The following GALNTL6 variants were observed in gnomAD, a reference collection of about 807,000 sequenced individuals.
The protein encoded by GALNTL6 is polypeptide N-acetylgalactosaminyltransferase-like 6.
In GALNTL6, 46 loss-of-function variants were observed where a neutral mutation model predicts 73.7. That is an observed-to-expected ratio of 0.62 (90% CI 0.49 to 0.80). The LOEUF is 0.80. Among genes scored for constraint, GALNTL6 ranks in the 30% least tolerant of loss-of-function variants. GALNTL6 has a pLI of 0.00. For missense variants in GALNTL6, 604 were observed against 755.0 expected, an observed-to-expected ratio of 0.80 and a Z score of 2.34; for synonymous variants, 259 against 263.7, an observed-to-expected ratio of 0.98 and a Z score of 0.17.
chr4:171,877,588 A>T (rs1020513176), intron 2 of GALNTL6, among the ~76,000 whole-genome samples: 2 of 152,058 alleles, frequency 1.3e-5, no homozygotes, highest in Non-Finnish European at 2.9e-5. Context: ...ACCTTCTTTC[A>T]TACAGTAGGA....
chr4:172,187,881 A>G (rs1053041050), intron 2 of GALNTL6, among the ~76,000 whole-genome samples: 25 of 152,096 alleles, frequency 1.6e-4, no homozygotes, highest in African/African-American at 5.8e-4. Context: ...GAATGTTTTC[A>G]ATGTAAAACT....
At chr4:171,959,614 G>C (rs1297160009) in intron 2 of GALNTL6, among the ~76,000 whole-genome samples, 1 of 152,186 alleles carries the variant, frequency 6.6e-6, no homozygotes, top group Non-Finnish European at 1.5e-5. Context: ...TACTCAGGAG[G>C]CTGAGGCAGG....
At position 172,809,643 on chromosome 4, in the gene GALNTL6, T is replaced by C. The variant is rs1741180163; in HGVS notation, c.739+97T>C. The C allele has an allele frequency of 2.2e-6, 2 of 905,780 alleles. No homozygotes were observed. 56.1% of individuals were successfully genotyped at this position (905,780 alleles called of 1,614,324 possible). A position where few individuals can be genotyped will look rare whatever the true frequency, so the allele number is the denominator to read the frequency against. ...GCAATCAGCAAACACTAGAGGTCCC[T>C]TCTACAAGTTTTCCAGGGGAAGCCT... On this transcript the variant is annotated intron_variant, in intron 6 of 12. Coordinates refer to ENST00000506823, the MANE Select transcript of GALNTL6 (RefSeq NM_001034845.3). This position sits in a 1 kb window ranked among gnomAD's most constrained non-coding sequence, Gnocchi z 4.4.
At chr4:172,481,544 C>T (rs767085321) in intron 5 of GALNTL6, among the ~76,000 whole-genome samples, 32 of 151,920 alleles carry the variant, frequency 2.1e-4, no homozygotes, top group Non-Finnish European at 3.8e-4. Context: ...CTGATTGGTT[C>T]GTTTTACAGA....
intron 7 of GALNTL6, among the ~76,000 whole-genome samples, chr4:172,854,739 T>C (rs1335390788): frequency 6.6e-6 from 1 of 152,228 alleles, no homozygotes; most frequent in Non-Finnish European, 1.5e-5. Flanking sequence ...AAATTAACTC[T>C]TTCTCCTTGT....
intron 4 of GALNTL6, among the ~76,000 whole-genome samples, chr4:172,325,302 T>C (rs1252215312): frequency 6.6e-6 from 1 of 151,872 alleles, no homozygotes; most frequent in African/African-American, 2.4e-5. Context: ...AATTCAAATA[T>C]CTGTGGAACT....
intron 5 of GALNTL6, among the ~76,000 whole-genome samples, chr4:172,405,431 ATATATATATATATTTTTTTT>A (rs1237281829): frequency 0.02 from 85 of 4,294 alleles, 1 homozygote; most frequent in African/African-American, 0.035. Context: ...ATATATATAT[ATATATATATATATTTTTTTT>A]TTTTTTTTTT....
At chr4:172,838,230 A>G (rs1406340388) in intron 7 of GALNTL6, among the ~76,000 whole-genome samples, 1 of 152,192 alleles carries the variant, frequency 6.6e-6, no homozygotes, top group Non-Finnish European at 1.5e-5. Flanking sequence ...GTGATTGTGA[A>G]GGTGATCAGG....
chr4:172,087,370 G>A (rs1389846482), intron 2 of GALNTL6, among the ~76,000 whole-genome samples: 17 of 151,366 alleles, frequency 1.1e-4, no homozygotes, highest in African/African-American at 2.2e-4. Context: ...GCGTGAACCC[G>A]GGAGGCGGAG....
chr4:172,802,006 T>C (rs1161163325), intron 5 of GALNTL6, among the ~76,000 whole-genome samples: 4 of 152,236 alleles, frequency 2.6e-5, no homozygotes, highest in Admixed American at 2.6e-4. Flanking sequence ...TCTCTTAATA[T>C]TCAGGATTCC....
chr4:172,694,987 T>C (rs1275872834), intron 5 of GALNTL6, among the ~76,000 whole-genome samples: 4 of 152,220 alleles, frequency 2.6e-5, no homozygotes, highest in Admixed American at 6.5e-5. Flanking sequence ...GGTCATCCAG[T>C]AGCTTCACAG....
intron 2 of GALNTL6, among the ~76,000 whole-genome samples, chr4:172,062,065 G>T (rs576126024): frequency 2.7e-5 from 4 of 148,922 alleles, no homozygotes; most frequent in African/African-American, 9.9e-5. Context: ...TTCTCCTGCC[G>T]CAGCCTCCTG....
intron 5 of GALNTL6, among the ~76,000 whole-genome samples, chr4:172,599,055 A>G (rs1208317983): frequency 6.6e-6 from 1 of 152,176 alleles, no homozygotes; most frequent in Admixed American, 6.6e-5. Flanking sequence ...CAGCTGCAGT[A>G]CATTCCTAGG....
Position 172,311,675 on chromosome 4 carries a change from C to T in GALNTL6, c.309C>T (p.Tyr103=). ...AAGAGGACCATGATGACTCAGCTTA[C>T]AGGGAAAATGGTTTTAATATTTTCG... The part of the protein sequence containing the change: ...LTEEDHDDSA[Y]RENGFNIFVS... The change falls in exon 4 of 13, where the codon TAC becomes TAT. Residue 103 remains tyrosine, a synonymous_variant. Transcript: ENST00000506823. 6.2e-6 allele frequency: 10 copies of T among 1,611,732 alleles called. No individual in the cohort carries two copies. Among genetic ancestry groups the T allele is most frequent in the East Asian group, 2.2e-5 (1 of 44,784 alleles).
chr4:172,188,161 A>C (rs988409076), intron 2 of GALNTL6, among the ~76,000 whole-genome samples: 1 of 152,216 alleles, frequency 6.6e-6, no homozygotes, highest in Admixed American at 6.5e-5. Context: ...TGTGTCAGAA[A>C]TTGATGATAT....
intron 2 of GALNTL6, among the ~76,000 whole-genome samples, chr4:172,121,856 G>A (rs1733159759): frequency 6.6e-6 from 1 of 151,878 alleles, no homozygotes; most frequent in African/African-American, 2.4e-5. Flanking sequence ...AAAATTAATA[G>A]TGATATGATA....
intron 5 of GALNTL6, among the ~76,000 whole-genome samples, chr4:172,778,848 G>A (rs1233937716): frequency 2.6e-5 from 4 of 152,106 alleles, no homozygotes; most frequent in African/African-American, 4.8e-5. Flanking sequence ...GTTCAAATTC[G>A]GAAAGTCGTA....
intron 5 of GALNTL6, among the ~76,000 whole-genome samples, chr4:172,443,152 A>ATG (rs1468766814): frequency 8.7e-6 from 1 of 114,770 alleles, no homozygotes; most frequent in Admixed American, 8.3e-5. Flanking sequence ...ATATATATAT[A>ATG]TATATATATA....
intron 5 of GALNTL6, among the ~76,000 whole-genome samples, chr4:172,551,923 G>T (rs151012380): frequency 2.0e-5 from 3 of 152,146 alleles, no homozygotes; most frequent in East Asian, 3.9e-4. Context: ...ATTCAAGTGT[G>T]CAAGAGTTTA....
Sources: allele counts gnomAD v4.1 joint callset (sites outside exome capture counted in the v4.1 genomes callset), GRCh38; gene constraint gnomAD v4.1.1; non-coding constraint Gnocchi (gnomAD v3.1); transcripts MANE v1.5; gene names NCBI Gene and HGNC (gene_info 2026-07-23, HGNC 2026-07-21).